Variants in HERC1 observed in about 807,000 individuals in gnomAD.
HERC1 encodes the protein HECT and RLD domain containing E3 ubiquitin protein ligase family member 1, also known as probable E3 ubiquitin-protein ligase HERC1.
In HERC1, 160 loss-of-function variants were observed where a neutral mutation model predicts 554.3. That is an observed-to-expected ratio of 0.29 (90% confidence interval 0.25 to 0.33). HERC1 has a LOEUF of 0.33. HERC1 is among the 10% of genes least tolerant of loss of function. The pLI is 1.00. For missense variants in HERC1, 4,919 were observed against 5,918.5 expected (o/e 0.83, Z 5.54); for synonymous variants, 2,175 against 2,131.7 (o/e 1.02, Z -0.56).
At chr15:63,670,092 T>C (rs1881380808) in intron 39 of HERC1, among the ~76,000 whole-genome samples, 1 of 152,310 alleles carries the variant, frequency 6.6e-6, no homozygotes, top group South Asian at 2.1e-4. Flanking sequence ...TACTTTTAAA[T>C]ATTAATATAA....
intron 7 of HERC1, among the ~76,000 whole-genome samples, chr15:63,753,985 G>A (rs189975239): frequency 6.6e-6 from 1 of 152,116 alleles, no homozygotes; most frequent in African/African-American, 2.4e-5. Context: ...GCCAGCCTGG[G>A]CAATAAAGCA....
chr15:63,659,659 T>C (rs2070249476), intron 47 of HERC1, 77 bp downstream of exon 47: 1 of 958,210 alleles, frequency 1.0e-6, no homozygotes, highest in East Asian at 2.6e-5. Flanking sequence ...TTTTACTTTA[T>C]TATTATTATT....
At chr15:63,664,230 C>G (rs750767318) in intron 43 of HERC1, among the ~76,000 whole-genome samples, 1 of 152,156 alleles carries the variant, frequency 6.6e-6, no homozygotes, top group Non-Finnish European at 1.5e-5. Flanking sequence ...TTCTCAAAAT[C>G]TACAAGTGGC....
chr15:63,626,337 T>C (rs2068299173), intron 70 of HERC1, among the ~76,000 whole-genome samples, 183 bp from the exon 71 acceptor site: 1 of 152,238 alleles, frequency 6.6e-6, no homozygotes, highest in Admixed American at 6.5e-5. Context: ...AAAATGTCTT[T>C]ATCAGGGGGC....
At chr15:63,662,782 C>T (rs1191314997) in intron 44 of HERC1, among the ~76,000 whole-genome samples, 3 of 152,092 alleles carry the variant, frequency 2.0e-5, no homozygotes, top group Non-Finnish European at 4.4e-5. Context: ...ACAATAAAAT[C>T]CCACAGAGAA....
At chr15:63,831,720 T>C (rs544674437) in intron 1 of HERC1, among the ~76,000 whole-genome samples, 81 of 152,290 alleles carry the variant, frequency 5.3e-4, no homozygotes, top group African/African-American at 1.6e-3. Flanking sequence ...AACGTTGGAA[T>C]TGTTATTACT....
At position 63,612,452 on chromosome 15, in the gene HERC1, G is replaced by A; in HGVS notation, c.14199C>T (p.Ile4733=). The stretch of plus-strand genomic sequence containing the variant: ...CCACTTTCTTCAAGACTTCCACAGA[G>A]ATCTCGGGCATCCCACACACCATCT... ...LEQMVCGMPE[I]SVEVLKKVVR... is the part of the protein sequence containing the mutation. The change falls in exon 77 of 78, where the codon ATC becomes ATT. Residue 4733 remains isoleucine, a synonymous_variant. Coordinates refer to ENST00000443617, the MANE Select transcript of HERC1 (RefSeq NM_003922.4). This position sits in a 1 kb window ranked among gnomAD's most constrained non-coding sequence, Gnocchi z 5.0. 2 of 1,614,036 alleles carry A rather than the reference G, an allele frequency of 1.2e-6. No homozygotes were observed. The highest frequency in any genetic ancestry group is 1.7e-6 in the Non-Finnish European group (2 of 1,179,900).
At position 63,632,760 on chromosome 15, in the gene HERC1, G is replaced by C. The variant is rs1241715820; in HGVS notation, c.12745C>G (p.Gln4249Glu). The part of the protein sequence containing the change: ...IGIKKVACGT[Q>E]FSVALTKDGH... ...TCTTTGGTCAAAGCAACAGAAAACT[G>C]AGTTCCACAAGCAACCTTTTTTATT... Residue 4249 changes from glutamine (Q) to glutamate (E), a missense_variant, in exon 68 of 78, where the codon CAG (glutamine) becomes GAG (glutamate). This residue lies in a region of HERC1 where 410 missense variants were observed against 467.0 expected (regional missense o/e 0.88). Coordinates refer to ENST00000443617, the MANE Select transcript of HERC1 (RefSeq NM_003922.4). The C allele has an allele frequency of 2.5e-6, 4 of 1,570,088 alleles. No homozygotes were observed. Among genetic ancestry groups the C allele is most frequent in the Non-Finnish European group, 3.5e-6 (4 of 1,155,964 alleles).
chr15:63,758,422 C>T lies in HERC1; in HGVS notation c.1027-53G>A. 1.5e-6 allele frequency: 2 copies of T among 1,293,676 alleles called. No individual in the cohort carries two copies. The highest frequency in any genetic ancestry group is 2.9e-5 in the African/African-American group (2 of 68,046). 80.1% of individuals were successfully genotyped at this position (1,293,676 alleles called of 1,614,324 possible). ...ATAGTCAAGACAGTTTTAGTCTGGG[C>T]ATTTTTTATACATATCCTCTGAAAT... On this transcript the variant is annotated intron_variant, in intron 3 of 77. Transcript: ENST00000443617. This position sits in a 1 kb window ranked among gnomAD's most constrained non-coding sequence, Gnocchi z 4.0.
intron 1 of HERC1, among the ~76,000 whole-genome samples, chr15:63,810,442 T>G (rs1325022102): frequency 6.6e-6 from 1 of 152,122 alleles, no homozygotes; most frequent in Non-Finnish European, 1.5e-5. Flanking sequence ...AGAGGGGCTA[T>G]ATATATGAAT....
intron 21 of HERC1, 26 bp from the exon 22 acceptor site, chr15:63,716,499 C>T (rs1289558155): frequency 2.6e-6 from 4 of 1,534,256 alleles, no homozygotes; most frequent in East Asian, 2.3e-5. Flanking sequence ...AGAAACTACA[C>T]TAAATACATT....
At chr15:63,733,220 A>G in intron 13 of HERC1, 75 bp from the exon 14 acceptor site, 1 of 938,738 alleles carries the variant, frequency 1.1e-6, no homozygotes, top group South Asian at 1.3e-5. Context: ...ATCCCAGAAA[A>G]AAACTATACT....
chr15:63,651,351 G>C lies in HERC1; in HGVS notation c.10448C>G (p.Ser3483Ter), dbSNP rs1275264296. The change falls in exon 53 of 78, where the codon TCA (serine) becomes TGA (stop). Residue 3483 changes from serine to a stop codon, truncating the protein, a stop_gained. Transcript: ENST00000443617. LOFTEE classifies it high-confidence loss of function. ...TGGTGAGAAACTTGGATCACTGGGT[G>C]ATCCCAGGCTTTCCTCAGCATCCCC... ...LEGDAEESLG[S>*]PSDPSFSPVS... The C allele has an allele frequency of 6.2e-7, 1 of 1,613,472 alleles. No homozygotes were observed. The highest frequency in any genetic ancestry group is 1.7e-5 in the Admixed American group (1 of 60,006).
At chr15:63,704,733 A>C (rs2153088975) in intron 25 of HERC1, among the ~76,000 whole-genome samples, 1 of 129,094 alleles carries the variant, frequency 7.7e-6, no homozygotes, top group African/African-American at 2.9e-5. Flanking sequence ...AATACTCTGT[A>C]ATTTTTTTTT....
chr15:63,746,854 T>C, intron 12 of HERC1, 64 bp downstream of exon 12: 2 of 1,368,452 alleles, frequency 1.5e-6, no homozygotes, highest in East Asian at 2.5e-5. Context: ...GAATATATTG[T>C]ATAGCTAAAA....
Position 63,758,873 on chromosome 15 carries a change from T to C in HERC1, c.1027-504A>G, listed in dbSNP as rs1596174346. Among the ~76,000 whole-genome samples, 1 of 152,034 alleles carries C rather than the reference T, an allele frequency of 6.6e-6. No homozygotes were observed. The highest frequency in any genetic ancestry group is 2.4e-5 in the African/African-American group (1 of 41,392). On this transcript the variant is annotated intron_variant, in intron 3 of 77. Transcript: ENST00000443617. This position sits in a 1 kb window ranked among gnomAD's most constrained non-coding sequence, Gnocchi z 4.0. ...TTCCATCTAGTAAAAAACATCACAA[T>C]GTACTCAACCACTTCCCCACCCCCA...
Position 63,698,902 on chromosome 15 carries a change from C to T in HERC1, c.4731G>A (p.Glu1577=). ...DWLCNSSYSF[E]SDFDLTKSLG... ...AAGACTTGGTAAGATCAAAATCTGA[C>T]TCAAAGGAATAGGAGGAGTTGCATA... Residue 1577 remains glutamate, a synonymous_variant, in exon 26 of 78, where the codon GAG becomes GAA. Transcript: ENST00000443617. 7 of 1,613,948 alleles carry T rather than the reference C, an allele frequency of 4.3e-6. No individual in the cohort carries two copies. The highest frequency in any genetic ancestry group is 5.9e-6 in the Non-Finnish European group (7 of 1,179,838).
chr15:63,662,019 A>T lies in HERC1; in HGVS notation c.8904T>A (p.His2968Gln). The T allele has an allele frequency of 6.2e-7, 1 of 1,609,700 alleles. No homozygotes were observed. The highest frequency in any genetic ancestry group is 8.5e-7 in the Non-Finnish European group (1 of 1,176,122). ...IPEVLDWPTW[H>Q]VCESEDREEV... ...CTTCCCTGTCTTCAGACTCACAAAC[A>T]TGCTGCACAAAAGGATTTCATACCA... is the stretch of plus-strand genomic sequence containing the variant. The change falls in exon 45 of 78, where the codon CAT becomes CAA. Residue 2968 changes from histidine to glutamine, a missense_variant and splice_region_variant. By Grantham distance (24) the His-to-Gln change is conservative. Coordinates refer to ENST00000443617, the MANE Select transcript of HERC1 (RefSeq NM_003922.4).
chr15:63,768,584 C>T (rs547039137), intron 2 of HERC1, among the ~76,000 whole-genome samples: 3 of 152,308 alleles, frequency 2.0e-5, no homozygotes, highest in South Asian at 4.1e-4. Context: ...ATCTAAAAGC[C>T]AACTCTAGTG....
Sources: allele counts gnomAD v4.1 joint callset (sites outside exome capture counted in the v4.1 genomes callset), GRCh38; gene constraint gnomAD v4.1.1; regional missense constraint gnomAD v4.1.1; non-coding constraint Gnocchi (gnomAD v3.1); transcripts MANE v1.5; gene names NCBI Gene and HGNC (gene_info 2026-07-23, HGNC 2026-07-21).